TOPAZ1: variants seen among roughly 807,000 people sequenced by gnomAD.
TOPAZ1 encodes protein TOPAZ1.
Under a neutral mutation model 172.2 loss-of-function variants are expected in TOPAZ1, and 66 were observed. That is an observed-to-expected ratio of 0.38 (90% confidence interval 0.31 to 0.47). The LOEUF is 0.47. TOPAZ1 is among the 20% of genes least tolerant of loss of function. The pLI is 0.99. For missense variants in TOPAZ1, 1,822 were observed against 1,972.4 expected (o/e 0.92, Z 1.44); for synonymous variants, 681 against 683.9 (o/e 1.00, Z 0.07).
At chr3:44,315,933 T>G (rs1332542630) in intron 16 of TOPAZ1, among the ~76,000 whole-genome samples, 4 of 152,176 alleles carry the variant, frequency 2.6e-5, no homozygotes, top group African/African-American at 9.6e-5. Flanking sequence ...AACATTTATA[T>G]TTTAAAAATA....
At chr3:44,293,221 GATA>G (rs1700159486) in intron 12 of TOPAZ1, among the ~76,000 whole-genome samples, 1 of 152,156 alleles carries the variant, frequency 6.6e-6, no homozygotes, top group Non-Finnish European at 1.5e-5. Flanking sequence ...CATAACATTT[GATA>G]ATGATAATAA....
rs190770142 is a variant in TOPAZ1, at chr3:44,292,707, G to A, written c.3797+1821G>A. On this transcript the variant is annotated intron_variant, in intron 12 of 19. Coordinates refer to ENST00000309765, the MANE Select transcript of TOPAZ1 (RefSeq NM_001145030.2). ...GTTTACAGAGTACATGAGTTTTAAC[G>A]ATACATGTATACGATGTATAATGAT... is the stretch of plus-strand genomic sequence containing the variant. Among the ~76,000 whole-genome samples the A allele has an allele frequency of 2.7e-3, 417 of 152,268 alleles. 1 individual carries two copies. The highest frequency in any genetic ancestry group is 4.8e-3 in the Non-Finnish European group (326 of 68,010).
At chr3:44,247,796 C>T (rs1699583063) in intron 2 of TOPAZ1, among the ~76,000 whole-genome samples, 1 of 152,124 alleles carries the variant, frequency 6.6e-6, no homozygotes, top group Non-Finnish European at 1.5e-5. Flanking sequence ...ATTACAGGCA[C>T]ATGCCACCAC....
chr3:44,269,179 C>A, intron 6 of TOPAZ1, 37 bp from the exon 7 acceptor site: 2 of 1,096,712 alleles, frequency 1.8e-6, no homozygotes, highest in South Asian at 1.3e-5. Flanking sequence ...TAAGTTGTAA[C>A]ATATTGGTGT....
intron 11 of TOPAZ1, among the ~76,000 whole-genome samples, chr3:44,290,362 A>C (rs1700123207): frequency 6.6e-6 from 1 of 152,122 alleles, no homozygotes; most frequent in Non-Finnish European, 1.5e-5. Context: ...CAGTTGGTCC[A>C]CCTGAGTGAT....
rs1386086341 is a variant in TOPAZ1, at chr3:44,241,971, C to T, written c.-83C>T. ...GGGTGGGTCAGAGGGCAGTAGGTAC[C>T]TCCAGGCGGGAGCAGCGTTTGCACC... is the stretch of plus-strand genomic sequence containing the variant. On this transcript the variant is annotated 5_prime_UTR_variant, in exon 1 of 20. Coordinates refer to ENST00000309765, the MANE Select transcript of TOPAZ1 (RefSeq NM_001145030.2). 4 of 1,337,454 alleles carry T rather than the reference C, an allele frequency of 3.0e-6. No individual in the cohort carries two copies. The highest frequency in any genetic ancestry group is 2.3e-5 in the Admixed American group (1 of 44,022). The allele number at this position is 1,337,454 out of a possible 1,614,324, so 82.8% of individuals were successfully genotyped here.
intron 8 of TOPAZ1, among the ~76,000 whole-genome samples, chr3:44,281,315 G>C (rs1700021404): frequency 6.6e-6 from 1 of 152,132 alleles, no homozygotes; most frequent in Non-Finnish European, 1.5e-5. Context: ...AGGTCTTCAG[G>C]CATTTAATAC....
chr3:44,280,860 A>G (rs1700015604), intron 8 of TOPAZ1, among the ~76,000 whole-genome samples: 1 of 152,196 alleles, frequency 6.6e-6, no homozygotes, highest in Non-Finnish European at 1.5e-5. Context: ...GCCCCAGGGC[A>G]GGGTTACAAT....
chr3:44,258,441 A>G (rs1272951016), intron 4 of TOPAZ1, among the ~76,000 whole-genome samples: 3 of 152,156 alleles, frequency 2.0e-5, no homozygotes, highest in African/African-American at 7.2e-5. Flanking sequence ...GTGCACACCT[A>G]CTTTCTTCTC....
rs71085612 is a variant in TOPAZ1 at position 44,269,471 on chromosome 3, C to CTTTTTTTTTTTTTTTTTTTTTTT, written c.3246+179_3246+201dup. Among the ~76,000 whole-genome samples, 76 of 33,932 alleles carry CTTTTTTTTTTTTTTTTTTTTTTT rather than the reference C, an allele frequency of 2.2e-3. 11 individuals carry two copies. Among genetic ancestry groups the CTTTTTTTTTTTTTTTTTTTTTTT allele is most frequent in the African/African-American group, 4.7e-3 (29 of 6,122 alleles). The allele number at this position is 33,932 out of a possible 152,430, so 22.3% of individuals were successfully genotyped here. On this transcript the variant is annotated intron_variant, in intron 7 of 19. Transcript: ENST00000309765. ...CCTTTTGATTGTATTTCCCTATCAT[C>CTTTTTTTTTTTTTTTTTTTTTTT]TTTTTTTTTTTTTTTTTTTTTTTTT...
chr3:44,254,656 A>T (rs1476626891), intron 2 of TOPAZ1, among the ~76,000 whole-genome samples: 1 of 149,974 alleles, frequency 6.7e-6, no homozygotes, highest in Non-Finnish European at 1.5e-5. Context: ...AAAGAGTAGA[A>T]GTTAAACACT....
intron 9 of TOPAZ1, among the ~76,000 whole-genome samples, chr3:44,286,247 A>G (rs9869151): frequency 0.83 from 125,965 of 152,116 alleles, 52,206 homozygotes; most frequent in Middle Eastern, 0.9. Context: ...CAAAAAGGAG[A>G]AAGGTTTCAT....
Position 44,323,504 on chromosome 3 carries a change from A to G in TOPAZ1, c.4675+209A>G, listed in dbSNP as rs1369653353. On this transcript the variant is annotated intron_variant, in intron 18 of 19. Transcript: ENST00000309765. ...TGCTTTCCTTATTTCCAATGTTTGCAATTTCCAATCTTTATTTCTTGCACA... is the reference window on the plus strand; with the variant it reads ...TGCTTTCCTTATTTCCAATGTTTGCGATTTCCAATCTTTATTTCTTGCACA... Among the ~76,000 whole-genome samples, 4 of 152,188 alleles carry G rather than the reference A, an allele frequency of 2.6e-5. No individual in the cohort carries two copies. The East Asian group carries it at 7.7e-4, about 29-fold the overall frequency.
At chr3:44,285,282 C>T (rs138860926) in intron 9 of TOPAZ1, among the ~76,000 whole-genome samples, 15 of 151,946 alleles carry the variant, frequency 9.9e-5, no homozygotes, top group African/African-American at 3.1e-4. Context: ...GGCAAAATGG[C>T]GAAACCCCAT....
intron 4 of TOPAZ1, among the ~76,000 whole-genome samples, chr3:44,262,116 A>G (rs1699781711): frequency 6.6e-6 from 1 of 152,182 alleles, no homozygotes; most frequent in African/African-American, 2.4e-5. Flanking sequence ...TTCTGAATAA[A>G]AAGAAACTCA....
intron 19 of TOPAZ1, among the ~76,000 whole-genome samples, chr3:44,328,904 G>A (rs887780124): frequency 3.3e-5 from 5 of 152,142 alleles, no homozygotes; most frequent in African/African-American, 1.2e-4. Context: ...TATAAAGTAG[G>A]TACTGTACCA....
intron 3 of TOPAZ1, among the ~76,000 whole-genome samples, chr3:44,255,668 T>TAC (rs1489281875): frequency 5.3e-4 from 16 of 30,310 alleles, no homozygotes; most frequent in Non-Finnish European, 7.0e-4. Context: ...AAAAAATATA[T>TAC]ATACACACAC....
At chr3:44,270,855 A>C in intron 8 of TOPAZ1, 45 bp downstream of exon 8, 1 of 1,475,116 alleles carries the variant, frequency 6.8e-7, no homozygotes, top group Non-Finnish European at 9.0e-7. Flanking sequence ...TTTAATAACT[A>C]TCTCAGTCAT....
At position 44,244,463 on chromosome 3, in the gene TOPAZ1, A is replaced by G. The variant is rs1001642450; in HGVS notation, c.1957A>G (p.Asn653Asp). Residue 653 changes from asparagine to aspartate, a missense_variant, in exon 2 of 20, where the codon AAC becomes GAC. By Grantham distance (23) the Asn-to-Asp change is conservative. This residue lies in a region of TOPAZ1 where 1,489 missense variants were observed against 1,490.8 expected (regional missense o/e 1.00). Coordinates refer to ENST00000309765, the MANE Select transcript of TOPAZ1 (RefSeq NM_001145030.2). ...TTCCAAAGATGGTCAGGAAGCAAAT[A>G]ACTCTGCAGGCAAAACTATTCATCG... ...ATSKDGQEAN[N>D]SAGKTIHRKA... 3 of 1,551,736 alleles carry G rather than the reference A, an allele frequency of 1.9e-6. No individual in the cohort carries two copies. Among genetic ancestry groups the G allele is most frequent in the Non-Finnish European group, 2.6e-6 (3 of 1,146,980 alleles).
Sources: gnomAD v4.1 joint callset for allele counts (sites outside exome capture counted in the v4.1 genomes callset) on GRCh38, gnomAD v4.1.1 for gene constraint, gnomAD v4.1.1 regional missense constraint, MANE v1.5 for transcripts, NCBI Gene and HGNC (gene_info 2026-07-23, HGNC 2026-07-21) for gene names.